The following CNTN6 variants were observed in gnomAD, a reference collection of about 807,000 sequenced individuals.
CNTN6 encodes contactin-6.
A neutral mutation model predicts 122.8 loss-of-function variants in CNTN6; 137 were observed. That is an observed-to-expected ratio of 1.12 (90% CI 0.97 to 1.29). CNTN6 has a LOEUF of 1.29. CNTN6 is among the 50% of genes most tolerant of loss of function. The pLI is 0.00. For synonymous variants in CNTN6, 570 were observed against 426.0 expected (o/e 1.34, Z -4.16); for missense variants, 1,634 against 1,223.4 (o/e 1.34, Z -5.01).
chr3:1,305,974 T>G (rs906381144), intron 7 of CNTN6, among the ~76,000 whole-genome samples: 2 of 152,204 alleles, frequency 1.3e-5, no homozygotes, highest in Non-Finnish European at 2.9e-5. Context: ...TGGACATCAT[T>G]GCAGATTATA....
chr3:1,374,177 T>G, intron 16 of CNTN6, 104 bp downstream of exon 16: 4 of 1,232,254 alleles, frequency 3.2e-6, no homozygotes, highest in Non-Finnish European at 4.4e-6. Context: ...TGGCTCAAAA[T>G]TGTTTGGCAG....
rs143863328 is a variant in CNTN6, at chr3:1,193,980, T to TC, written c.56-26703dup. Among the ~76,000 whole-genome samples the TC allele has an allele frequency of 5.6e-3, 855 of 152,244 alleles. 7 individuals are homozygous for TC. Among genetic ancestry groups the TC allele is most frequent in the African/African-American group, 0.02 (818 of 41,536 alleles). On this transcript the variant is annotated intron_variant, in intron 2 of 22. Coordinates refer to ENST00000446702, the MANE Select transcript of CNTN6 (RefSeq NM_001289080.2). ...TCATGGCTTTTATCTATGTTTTTTTTCCCCAAAGCATGTGTTATCCTTATG... is the reference window on the plus strand; with the variant it reads ...TCATGGCTTTTATCTATGTTTTTTTTCCCCCAAAGCATGTGTTATCCTTATG...
intron 1 of CNTN6, among the ~76,000 whole-genome samples, chr3:1,137,096 CACAATCTTAA>C: frequency 6.6e-6 from 1 of 152,162 alleles, no homozygotes; most frequent in East Asian, 1.9e-4. Context: ...TATCTTGTCA[CACAATCTTAA>C]AGGACTCTGC....
chr3:1,379,514 C>T (rs981080595), intron 17 of CNTN6, among the ~76,000 whole-genome samples: 1 of 152,104 alleles, frequency 6.6e-6, no homozygotes, highest in African/African-American at 2.4e-5. Context: ...CCCCAAACCT[C>T]AGCATCACAC....
intron 17 of CNTN6, among the ~76,000 whole-genome samples, chr3:1,379,575 A>G (rs1710360343): frequency 6.6e-6 from 1 of 152,104 alleles, no homozygotes; most frequent in South Asian, 2.1e-4. Flanking sequence ...CTAAAATAAA[A>G]GTTGAATTTT....
intron 7 of CNTN6, among the ~76,000 whole-genome samples, chr3:1,312,194 A>G (rs1198501560): frequency 7.0e-6 from 1 of 143,136 alleles, no homozygotes; most frequent in African/African-American, 2.5e-5. Context: ...CTCCGAATCT[A>G]ATGTCAAACA....
chr3:1,231,488 G>C (rs899756414), intron 4 of CNTN6, among the ~76,000 whole-genome samples: 1 of 152,098 alleles, frequency 6.6e-6, no homozygotes, highest in African/African-American at 2.4e-5. Flanking sequence ...TTTTATCCTG[G>C]TATTCAGTAA....
In CNTN6 at chr3:1,362,820, C is replaced by T. The variant is rs555953629; in HGVS notation, c.1493-9479C>T. Among the ~76,000 whole-genome samples, 38 of 151,384 alleles carry T rather than the reference C, an allele frequency of 2.5e-4. 1 individual carries two copies. The highest frequency in any genetic ancestry group is 9.0e-4 in the African/African-American group (37 of 41,326). ...TCCAATTCAAGAAATTATGTGAGTC[C>T]CAATTCAGACAAATGCAAAGGAAAG... On this transcript the variant is annotated intron_variant, in intron 12 of 22. Transcript: ENST00000446702.
At chr3:1,348,176 AG>A (rs1396626264) in intron 11 of CNTN6, among the ~76,000 whole-genome samples, 2 of 149,960 alleles carry the variant, frequency 1.3e-5, no homozygotes, top group South Asian at 2.1e-4. Flanking sequence ...AAAAAAAAAA[AG>A]GACTTGGGCC....
At chr3:1,248,290 G>A (rs534115491) in intron 4 of CNTN6, among the ~76,000 whole-genome samples, 2 of 152,206 alleles carry the variant, frequency 1.3e-5, no homozygotes, top group African/African-American at 2.4e-5. Context: ...GGAATAATGG[G>A]AATTTATACA....
At chr3:1,291,529 T>C (rs766143813) in intron 5 of CNTN6, among the ~76,000 whole-genome samples, 2 of 152,172 alleles carry the variant, frequency 1.3e-5, no homozygotes, top group African/African-American at 2.4e-5. Flanking sequence ...TCTCCACAAA[T>C]AGGCATTGAA....
At chr3:1,370,130 A>C (rs1329996200) in intron 12 of CNTN6, among the ~76,000 whole-genome samples, 1 of 148,582 alleles carries the variant, frequency 6.7e-6, no homozygotes, top group Non-Finnish European at 1.5e-5. Context: ...AATAAGATCC[A>C]AAAAAAAGAA....
chr3:1,359,053 C>G (rs549393749), intron 12 of CNTN6, among the ~76,000 whole-genome samples: 2 of 152,102 alleles, frequency 1.3e-5, no homozygotes, highest in Non-Finnish European at 1.5e-5. Context: ...CAGCAAGATC[C>G]TGTCCCCCAA....
chr3:1,361,609 TA>T (rs1295421740), intron 12 of CNTN6, among the ~76,000 whole-genome samples: 2 of 152,112 alleles, frequency 1.3e-5, no homozygotes, highest in Non-Finnish European at 2.9e-5. Flanking sequence ...AACCTACTGA[TA>T]AATGGCCTAA....
rs1185313261 is a variant in CNTN6, at chr3:1,396,195, C to G, written c.2705-5238C>G. Among the ~76,000 whole-genome samples, 4 of 152,168 alleles carry G rather than the reference C, an allele frequency of 2.6e-5. No individual in the cohort carries two copies. In the East Asian group the frequency reaches 7.7e-4, roughly 29 times the overall value. Reference sequence around the variant, plus strand: ...CCTTTCTATAACATTCCTCTTCTAGCCCTGACATCTCAAACTTACTGATCT... The same window carrying G: ...CCTTTCTATAACATTCCTCTTCTAGGCCTGACATCTCAAACTTACTGATCT... On this transcript the variant is annotated intron_variant, in intron 20 of 22. Coordinates refer to ENST00000446702, the MANE Select transcript of CNTN6 (RefSeq NM_001289080.2).
Position 1,352,464 on chromosome 3 carries a change from C to A in CNTN6, c.1492+13C>A. ...CTCATTGTAAAAGGTATCATATTATCTTCATTTGTGCTTGATGAACATTGT... is the reference window on the plus strand; with the variant it reads ...CTCATTGTAAAAGGTATCATATTATATTCATTTGTGCTTGATGAACATTGT... On this transcript the variant is annotated intron_variant, in intron 12 of 22. Transcript: ENST00000446702. 3 of 1,608,916 alleles carry A rather than the reference C, an allele frequency of 1.9e-6. No individual in the cohort carries two copies. The highest frequency in any genetic ancestry group is 1.7e-4 in the Middle Eastern group (1 of 6,024).
At chr3:1,225,953 T>G (rs1407608375) in intron 3 of CNTN6, among the ~76,000 whole-genome samples, 1 of 152,166 alleles carries the variant, frequency 6.6e-6, no homozygotes, top group African/African-American at 2.4e-5. Context: ...TTACCTAAAT[T>G]CATATTTCTT....
intron 5 of CNTN6, among the ~76,000 whole-genome samples, chr3:1,287,017 C>T (rs1233623961): frequency 1.3e-5 from 2 of 152,126 alleles, no homozygotes; most frequent in East Asian, 3.9e-4. Flanking sequence ...ACAGGAAGAG[C>T]TAACTATCCT....
intron 11 of CNTN6, among the ~76,000 whole-genome samples, chr3:1,345,930 G>A (rs1704617922): frequency 6.6e-6 from 1 of 151,506 alleles, no homozygotes; most frequent in East Asian, 1.9e-4. Context: ...TATAAAAATA[G>A]CAGTATTGCT....
Sources: gnomAD v4.1 joint callset for allele counts (sites outside exome capture counted in the v4.1 genomes callset) on GRCh38, gnomAD v4.1.1 for gene constraint, MANE v1.5 for transcripts, NCBI Gene and HGNC (gene_info 2026-07-23, HGNC 2026-07-21) for gene names.